Variants in KCTD8 observed in about 807,000 individuals in gnomAD.
The protein encoded by KCTD8 is BTB/POZ domain-containing protein KCTD8.
Under a neutral mutation model 31.5 loss-of-function variants are expected in KCTD8, and 27 were observed. That is an observed-to-expected ratio of 0.86 (90% CI 0.63 to 1.18). KCTD8 has a LOEUF of 1.18. KCTD8 is among the 50% of genes most tolerant of loss of function. The pLI, the probability that KCTD8 is intolerant of heterozygous loss-of-function variation, is 0.00. For synonymous variants in KCTD8, 290 were observed against 280.0 expected (o/e 1.04, Z -0.36); for missense variants, 658 against 647.7 (o/e 1.02, Z -0.17).
rs150287446 is a variant in KCTD8, at chr4:44,430,950, C to T, written c.961+16613G>A. On this transcript the variant is annotated intron_variant, in intron 1 of 1. Transcript: ENST00000360029. The stretch of plus-strand genomic sequence containing the variant: ...TTCTTGTCATCCATTGCAGACTCTA[C>T]GATTAATTACACAGAATATTTAGGA... Among the ~76,000 whole-genome samples, 839 of 151,162 alleles carry T rather than the reference C, an allele frequency of 5.6e-3. 5 individuals are homozygous for T. The highest frequency in any genetic ancestry group is 0.018 in the African/African-American group (750 of 41,266).
chr4:44,241,009 A>G (rs996757358), intron 1 of KCTD8, among the ~76,000 whole-genome samples: 3 of 152,184 alleles, frequency 2.0e-5, no homozygotes, highest in African/African-American at 7.2e-5. Flanking sequence ...CAAAACCCAC[A>G]CTTCATTTTT....
chr4:44,436,880 T>C (rs1212882606), intron 1 of KCTD8, among the ~76,000 whole-genome samples: 2 of 152,120 alleles, frequency 1.3e-5, no homozygotes, highest in African/African-American at 4.8e-5. Flanking sequence ...CAAAGGCCAC[T>C]GCTCTGCTGA....
At chr4:44,379,793 A>C (rs1720013088) in intron 1 of KCTD8, among the ~76,000 whole-genome samples, 1 of 152,110 alleles carries the variant, frequency 6.6e-6, no homozygotes, top group Non-Finnish European at 1.5e-5. Flanking sequence ...TTTGTATTTC[A>C]ATCTATCCTA....
At chr4:44,440,081 G>A (rs1314264771) in intron 1 of KCTD8, among the ~76,000 whole-genome samples, 3 of 151,686 alleles carry the variant, frequency 2.0e-5, no homozygotes, top group Non-Finnish European at 2.9e-5. Context: ...ACAGATGCCC[G>A]CCACCACGCC....
chr4:44,337,165 T>C (rs1156355321), intron 1 of KCTD8, among the ~76,000 whole-genome samples: 22 of 152,150 alleles, frequency 1.4e-4, no homozygotes, highest in Admixed American at 1.3e-3. Context: ...TTAGCAAATA[T>C]GTTTAAACAA....
chr4:44,297,210 GT>G lies in KCTD8; in HGVS notation c.962-121961del, dbSNP rs1280223888. ...TAGGGAAAAAGTATTCCATAAATAG[GT>G]AAGCCCAATAATTGGAACAAATTAA... On this transcript the variant is annotated intron_variant, in intron 1 of 1. Coordinates refer to ENST00000360029, the MANE Select transcript of KCTD8 (RefSeq NM_198353.3). Among the ~76,000 whole-genome samples, 10 of 152,018 alleles carry G rather than the reference GT, an allele frequency of 6.6e-5. No individual in the cohort carries two copies. In the East Asian group the frequency reaches 1.7e-3, roughly 27 times the overall value.
chr4:44,313,210 C>T (rs1011835111), intron 1 of KCTD8, among the ~76,000 whole-genome samples: 1 of 152,184 alleles, frequency 6.6e-6, no homozygotes, highest in Non-Finnish European at 1.5e-5. Flanking sequence ...GGTGACACTT[C>T]TAGTGTTTTG....
At chr4:44,203,444 C>T (rs1304679622) in intron 1 of KCTD8, among the ~76,000 whole-genome samples, 2 of 146,312 alleles carry the variant, frequency 1.4e-5, no homozygotes. Flanking sequence ...AAGCCAAGAT[C>T]GTGCCATTGT....
intron 1 of KCTD8, among the ~76,000 whole-genome samples, chr4:44,235,270 GA>G (rs1365329715): frequency 6.7e-6 from 1 of 149,492 alleles, no homozygotes; most frequent in Non-Finnish European, 1.5e-5. Context: ...AGATCTGGAA[GA>G]GTTAAGCAAA....
chr4:44,344,223 C>T (rs1718982864), intron 1 of KCTD8, among the ~76,000 whole-genome samples: 1 of 151,788 alleles, frequency 6.6e-6, no homozygotes, highest in African/African-American at 2.4e-5. Context: ...CTCACTCTGT[C>T]GCCCAGGCTG....
At chr4:44,266,720 C>CA (rs1213677148) in intron 1 of KCTD8, among the ~76,000 whole-genome samples, 5 of 151,108 alleles carry the variant, frequency 3.3e-5, no homozygotes, top group Non-Finnish European at 7.4e-5. Context: ...AAATGGAAAA[C>CA]AAAAAAAGGC....
chr4:44,362,603 T>C (rs1234840938), intron 1 of KCTD8, among the ~76,000 whole-genome samples: 1 of 151,932 alleles, frequency 6.6e-6, no homozygotes, highest in African/African-American at 2.4e-5. Context: ...ATTATAAAAA[T>C]AGTCCAGGTG....
intron 1 of KCTD8, among the ~76,000 whole-genome samples, chr4:44,195,256 G>T (rs967228535): frequency 5.3e-5 from 8 of 151,930 alleles, no homozygotes; most frequent in Admixed American, 3.9e-4. Context: ...CAATTATAAG[G>T]ATTGATTAGT....
At chr4:44,218,563 T>C (rs2109346851) in intron 1 of KCTD8, among the ~76,000 whole-genome samples, 1 of 149,540 alleles carries the variant, frequency 6.7e-6, no homozygotes, top group East Asian at 2.0e-4. Context: ...ATGTAACCCA[T>C]AAATATATAT....
chr4:44,319,776 C>T (rs1718239844), intron 1 of KCTD8, among the ~76,000 whole-genome samples: 1 of 152,062 alleles, frequency 6.6e-6, no homozygotes, highest in African/African-American at 2.4e-5. Flanking sequence ...AGTAAAGAAA[C>T]TGGAAGTTGC....
At chr4:44,182,356 A>G (rs1292071986) in intron 1 of KCTD8, among the ~76,000 whole-genome samples, 1 of 152,234 alleles carries the variant, frequency 6.6e-6, no homozygotes, top group African/African-American at 2.4e-5. Context: ...AAAGGGGGAA[A>G]GGTGGGGAAA....
At chr4:44,261,893 T>A (rs1716193106) in intron 1 of KCTD8, among the ~76,000 whole-genome samples, 2 of 152,082 alleles carry the variant, frequency 1.3e-5, no homozygotes, top group African/African-American at 4.8e-5. Context: ...AATCACATTG[T>A]ACATCTTGAA....
chr4:44,437,329 T>C (rs1399211979), intron 1 of KCTD8, among the ~76,000 whole-genome samples: 1 of 152,192 alleles, frequency 6.6e-6, no homozygotes, highest in Non-Finnish European at 1.5e-5. Flanking sequence ...TGCACATATC[T>C]TACAAATGTC....
chr4:44,175,619 G>T (rs1369771945), intron 1 of KCTD8, among the ~76,000 whole-genome samples: 1 of 152,038 alleles, frequency 6.6e-6, no homozygotes, highest in Non-Finnish European at 1.5e-5. Context: ...TATCTGTTTT[G>T]TTAGACACTT....
Sources: allele counts gnomAD v4.1 joint callset (sites outside exome capture counted in the v4.1 genomes callset), GRCh38; gene constraint gnomAD v4.1.1; transcripts MANE v1.5; gene names NCBI Gene and HGNC (gene_info 2026-07-23, HGNC 2026-07-21).